The following CYP4F22 variants were observed in gnomAD, a reference collection of about 807,000 sequenced individuals.
The protein encoded by CYP4F22 is ultra-long-chain fatty acid omega-hydroxylase.
In CYP4F22, 37 loss-of-function variants were observed where a neutral mutation model predicts 60.4. The ratio of observed to expected loss-of-function variants is 0.61; its 90% CI spans 0.47 to 0.81. The LOEUF is 0.81. CYP4F22 is among the 30% of genes least tolerant of loss of function. CYP4F22 has a pLI of 0.00. For missense variants in CYP4F22, 655 were observed against 715.0 expected, an observed-to-expected ratio of 0.92 and a Z score of 0.96; for synonymous variants, 258 against 280.5, an observed-to-expected ratio of 0.92 and a Z score of 0.80.
intron 1 of CYP4F22, chr19:15,515,581 C>T (rs1018020133): frequency 8.3e-6 from 4 of 482,590 alleles, no homozygotes; most frequent in Non-Finnish European, 1.6e-5. Flanking sequence ...CAAAAATTAG[C>T]CAGGTGTGGT....
intron 1 of CYP4F22, among the ~76,000 whole-genome samples, chr19:15,523,430 C>A (rs536442955): frequency 1.3e-5 from 2 of 152,118 alleles, no homozygotes; most frequent in Non-Finnish European, 1.5e-5. Context: ...TGGAAGACAG[C>A]GCCAAGGGGA....
chr19:15,549,577 C>T (rs1477851931), intron 12 of CYP4F22, among the ~76,000 whole-genome samples: 1 of 152,162 alleles, frequency 6.6e-6, no homozygotes, highest in African/African-American at 2.4e-5. Context: ...CTTGTAATCC[C>T]AGCACTTTGA....
chr19:15,536,719 G>A (rs536785800), intron 4 of CYP4F22, among the ~76,000 whole-genome samples: 4 of 152,330 alleles, frequency 2.6e-5, no homozygotes, highest in Non-Finnish European at 4.4e-5. Context: ...TCCACAGCAG[G>A]CGATGAGAAT....
chr19:15,536,831 A>G (rs73929928), intron 4 of CYP4F22, among the ~76,000 whole-genome samples: 3,061 of 152,238 alleles, frequency 0.02, 120 homozygotes, highest in African/African-American at 0.07. Flanking sequence ...ACTTTTTACA[A>G]GTGCAATGGG....
intron 8 of CYP4F22, among the ~76,000 whole-genome samples, 177 bp downstream of exon 8, chr19:15,540,894 G>T (rs1971454681): frequency 6.6e-6 from 1 of 152,232 alleles, no homozygotes; most frequent in Admixed American, 6.5e-5. Flanking sequence ...AGATCAGCCT[G>T]GGCAACACAG....
intron 1 of CYP4F22, among the ~76,000 whole-genome samples, chr19:15,522,872 G>A (rs549329291): frequency 3.6e-4 from 55 of 151,810 alleles, no homozygotes; most frequent in African/African-American, 1.2e-3. Flanking sequence ...CACCACGCCC[G>A]GCTGATTTTT....
intron 1 of CYP4F22, among the ~76,000 whole-genome samples, chr19:15,519,223 C>T (rs1013144467): frequency 6.6e-5 from 10 of 151,490 alleles, no homozygotes; most frequent in Middle Eastern, 6.9e-3. Flanking sequence ...ATTTACAAAC[C>T]GGGTGAAGAA....
Position 15,540,564 on chromosome 19 carries a change from G to A in CYP4F22, c.786G>A (p.Arg262=). ...DFIYYRSADG[R]RFRQACDMVH... ...TTTACTACCGCTCGGCGGATGGGCG[G>A]AGGTTCCGGCAGGCCTGTGACATGG... Residue 262 remains arginine, a synonymous_variant, in exon 8 of 14, where the codon CGG becomes CGA. Transcript: ENST00000269703. 1 of 1,614,258 alleles carries A rather than the reference G, an allele frequency of 6.2e-7. No individual in the cohort carries two copies. The highest frequency in any genetic ancestry group is 8.5e-7 in the Non-Finnish European group (1 of 1,180,052).
intron 1 of CYP4F22, among the ~76,000 whole-genome samples, chr19:15,522,735 G>C (rs975148186): frequency 2.6e-5 from 4 of 152,088 alleles, no homozygotes; most frequent in Admixed American, 2.0e-4. Context: ...TTTCGAGACG[G>C]AGTCTCACTC....
chr19:15,540,656 C>T lies in CYP4F22; in HGVS notation c.878C>T (p.Ala293Val), dbSNP rs1383191277. Residue 293 changes from alanine to valine, a missense_variant, in exon 8 of 14, where the codon GCC becomes GTC. Transcript: ENST00000269703. Reference sequence around the variant, plus strand: ...GCACTGCGTCAGCAGGGGGCCGAGGCCTGGCTTAAGGCCAAGCAGGGGAAG... The same window carrying T: ...GCACTGCGTCAGCAGGGGGCCGAGGTCTGGCTTAAGGCCAAGCAGGGGAAG... The part of the protein sequence containing the change: ...RRALRQQGAE[A>V]WLKAKQGKTL... The T allele has an allele frequency of 1.9e-6, 3 of 1,613,802 alleles. No homozygotes were observed. In the African/African-American group the frequency reaches 4.0e-5, roughly 22 times the overall value.
intron 2 of CYP4F22, among the ~76,000 whole-genome samples, chr19:15,524,680 G>A (rs373883310): frequency 1.6e-3 from 236 of 149,116 alleles, no homozygotes; most frequent in Non-Finnish European, 2.7e-3. Flanking sequence ...GAGAGAGAGA[G>A]AGAAAGAAAG....
chr19:15,524,742 G>A (rs1971262317), intron 2 of CYP4F22, among the ~76,000 whole-genome samples: 1 of 152,106 alleles, frequency 6.6e-6, no homozygotes, highest in Admixed American at 6.5e-5. Flanking sequence ...AGATGGAGGT[G>A]GTAGTTGCAT....
At chr19:15,550,173 C>T (rs1234832646) in intron 12 of CYP4F22, among the ~76,000 whole-genome samples, 1 of 152,030 alleles carries the variant, frequency 6.6e-6, no homozygotes, top group Non-Finnish European at 1.5e-5. Context: ...TCAGATGATC[C>T]ATCTGCCTTG....
intron 8 of CYP4F22, among the ~76,000 whole-genome samples, chr19:15,542,244 A>C (rs772758878): frequency 6.6e-6 from 1 of 152,052 alleles, no homozygotes; most frequent in Non-Finnish European, 1.5e-5. Context: ...TTAAAGTTCC[A>C]GGATAAGCCG....
chr19:15,515,132 G>T (rs1463711492), intron 1 of CYP4F22, among the ~76,000 whole-genome samples: 1 of 152,142 alleles, frequency 6.6e-6, no homozygotes, highest in African/African-American at 2.4e-5. Context: ...GGGACAGCCA[G>T]GTCACCGAGT....
intron 4 of CYP4F22, among the ~76,000 whole-genome samples, chr19:15,533,261 C>A (rs1187642578): frequency 6.6e-6 from 1 of 152,152 alleles, no homozygotes. Context: ...AGGTGAAATT[C>A]ATGTAACATA....
chr19:15,540,787 A>G (rs1971453246), intron 8 of CYP4F22, 70 bp downstream of exon 8: 3 of 1,592,554 alleles, frequency 1.9e-6, no homozygotes, highest in South Asian at 1.1e-5. Flanking sequence ...ATGTAAAATG[A>G]TAAGTGTTAA....
intron 10 of CYP4F22, among the ~76,000 whole-genome samples, chr19:15,547,256 C>T (rs942800721): frequency 4.0e-5 from 6 of 151,528 alleles, no homozygotes; most frequent in Non-Finnish European, 8.8e-5. Flanking sequence ...AACTCCTGAC[C>T]TCAGACGATC....
At chr19:15,542,968 G>T (rs1971480635) in intron 8 of CYP4F22, among the ~76,000 whole-genome samples, 1 of 152,078 alleles carries the variant, frequency 6.6e-6, no homozygotes, top group Non-Finnish European at 1.5e-5. Context: ...TGGGCATTTG[G>T]GTTGATTCCA....
Sources: gnomAD v4.1 joint callset for allele counts (sites outside exome capture counted in the v4.1 genomes callset) on GRCh38, gnomAD v4.1.1 for gene constraint, MANE v1.5 for transcripts, NCBI Gene and HGNC (gene_info 2026-07-23, HGNC 2026-07-21) for gene names.